PKD1L1: variants seen among roughly 807,000 people sequenced by gnomAD.
PKD1L1 encodes polycystin 1 like 1, transient receptor potential channel interacting, also known as polycystin-1-like protein 1.
A neutral mutation model predicts 323.4 loss-of-function variants in PKD1L1; 236 were observed. The ratio of observed to expected loss-of-function variants is 0.73; its 90% CI spans 0.66 to 0.81. The LOEUF is 0.81. Ranked by LOEUF, PKD1L1 falls within the 40% of genes least tolerant of loss-of-function variation. The pLI, the probability that PKD1L1 is intolerant of heterozygous loss-of-function variation, is 0.00. For missense variants in PKD1L1, 3,320 were observed against 3,508.0 expected (o/e 0.95, Z 1.35); for synonymous variants, 1,344 against 1,335.0 (o/e 1.01, Z -0.15).
Position 47,830,029 on chromosome 7 carries a change from G to A in PKD1L1, c.6558+11C>T, listed in dbSNP as rs1785312165. 2 of 1,612,950 alleles carry A rather than the reference G, an allele frequency of 1.2e-6. No homozygotes were observed. Among genetic ancestry groups the A allele is most frequent in the Non-Finnish European group, 1.7e-6 (2 of 1,178,900 alleles). The stretch of plus-strand genomic sequence containing the variant: ...ATGGAAGGCACTTCTACCATGGAGG[G>A]TGTTTCTTACCATAAGTGGCTGGGT... On this transcript the variant is annotated intron_variant, in intron 43 of 56. Transcript: ENST00000289672.
At chr7:47,858,553 T>C in intron 27 of PKD1L1, 120 bp downstream of exon 27, 1 of 875,402 alleles carries the variant, frequency 1.1e-6, no homozygotes, top group Non-Finnish European at 1.8e-6. Context: ...CCCAGAAGAA[T>C]GAACACAGTA....
intron 45 of PKD1L1, among the ~76,000 whole-genome samples, chr7:47,825,288 G>A (rs1446397984): frequency 1.3e-5 from 2 of 150,966 alleles, no homozygotes; most frequent in African/African-American, 4.8e-5. Context: ...CCAGCACTTT[G>A]GGAGGTTGAG....
chr7:47,941,862 C>T (rs1006263634), intron 2 of PKD1L1, among the ~76,000 whole-genome samples: 1 of 152,062 alleles, frequency 6.6e-6, no homozygotes, highest in African/African-American at 2.4e-5. Context: ...ATAAAAAGTA[C>T]ATAAAATTGC....
intron 47 of PKD1L1, among the ~76,000 whole-genome samples, chr7:47,814,554 A>G (rs1784974683): frequency 6.6e-6 from 1 of 151,920 alleles, no homozygotes; most frequent in Non-Finnish European, 1.5e-5. Flanking sequence ...TAATTTTTGT[A>G]TTTTTAGTCT....
chr7:47,949,243 C>G (rs780729539), upstream of PKD1L1, among the ~76,000 whole-genome samples: 8 of 151,736 alleles, frequency 5.3e-5, no homozygotes, highest in Non-Finnish European at 8.8e-5. Context: ...GTGGCACGCA[C>G]CTGTAGTCCC....
rs142457395 is a variant in PKD1L1 at position 47,945,572 on chromosome 7, A to G, written c.45-2061T>C. 6.5e-3 allele frequency among the ~76,000 whole-genome samples: 985 copies of G among 152,328 alleles called. 17 individuals are homozygous for G. The highest frequency in any genetic ancestry group is 0.022 in the African/African-American group (927 of 41,556). On this transcript the variant is annotated intron_variant, in intron 1 of 56. Transcript: ENST00000289672. ...TGTCTTCCAAAGGCCAGAGAAATGA[A>G]AAAATAAAAAATAACAATAATAGAA...
At chr7:47,775,816 G>GAAAAAAAAAA (rs61097863) in intron 56 of PKD1L1, among the ~76,000 whole-genome samples, 1 of 132,496 alleles carries the variant, frequency 7.5e-6, no homozygotes, top group Non-Finnish European at 1.6e-5. Flanking sequence ...GTAGATAACA[G>GAAAAAAAAAA]AAAAAAAAAA....
chr7:47,896,162 C>A (rs1022422013), intron 14 of PKD1L1, among the ~76,000 whole-genome samples: 1 of 151,886 alleles, frequency 6.6e-6, no homozygotes, highest in Non-Finnish European at 1.5e-5. Context: ...CAGGGTGAAA[C>A]CCTGTCTCTA....
intron 48 of PKD1L1, 99 bp downstream of exon 48, chr7:47,813,832 A>G: frequency 9.8e-7 from 1 of 1,024,702 alleles, no homozygotes; most frequent in East Asian, 2.4e-5. Flanking sequence ...CTGAACTCAC[A>G]GAGAAGTTCA....
intron 5 of PKD1L1, among the ~76,000 whole-genome samples, chr7:47,931,632 A>T (rs1787773145): frequency 6.6e-6 from 1 of 152,242 alleles, no homozygotes; most frequent in Non-Finnish European, 1.5e-5. Flanking sequence ...CAGCTAAGCC[A>T]ATAGAAAATT....
At position 47,873,940 on chromosome 7, in the gene PKD1L1, C is replaced by T; in HGVS notation, c.3855G>A (p.Val1285=). The change falls in exon 24 of 57, where the codon GTG becomes GTA. Residue 1285 remains valine, a synonymous_variant. Transcript: ENST00000289672. ...AGTCATTTCCATGGTAGCGGGGCAG[C>T]ACAGTCACCACCACAGTGCACGGCT... ...KVQPCTVVVT[V]LPRYHGNDCL... The T allele has an allele frequency of 1.2e-6, 2 of 1,614,052 alleles. No individual in the cohort carries two copies. Among genetic ancestry groups the T allele is most frequent in the Non-Finnish European group, 1.7e-6 (2 of 1,179,980 alleles).
chr7:47,948,311 A>T, intron 1 of PKD1L1, 86 bp downstream of exon 1: 4 of 1,484,218 alleles, frequency 2.7e-6, no homozygotes, highest in Non-Finnish European at 2.8e-6. Flanking sequence ...CCCACATCCT[A>T]GAGGTGATGA....
In PKD1L1 at chr7:47,904,389, A is replaced by G. The variant is rs762700504; in HGVS notation, c.1920T>C (p.His640=). ...TTGCAGTGGCTCACCTACTGTAGAC[A>G]TGGCTGCTGGAGCTGCTCCCCAGGC... ...TVSLGSSSSS[H]VYSREGEFTV... Residue 640 remains histidine (H), a synonymous_variant, in exon 12 of 57, where the codon CAT becomes CAC. Transcript: ENST00000289672. 3.1e-6 allele frequency: 5 copies of G among 1,614,070 alleles called. No individual in the cohort carries two copies. In the Admixed American group the frequency reaches 8.3e-5, roughly 27 times the overall value.
chr7:47,931,024 T>C, intron 6 of PKD1L1, 80 bp downstream of exon 6: 1 of 1,370,994 alleles, frequency 7.3e-7, no homozygotes, highest in Non-Finnish European at 1.0e-6. Flanking sequence ...GATACTAAAA[T>C]CACTAACGGA....
At chr7:47,821,442 T>G (rs180890013) in intron 45 of PKD1L1, among the ~76,000 whole-genome samples, 2 of 151,288 alleles carry the variant, frequency 1.3e-5, no homozygotes, top group East Asian at 4.0e-4. Context: ...CTAACTTTTG[T>G]ATATTTAGTG....
Position 47,932,010 on chromosome 7 carries a change from C to A in PKD1L1, c.445G>T (p.Gly149Cys), listed in dbSNP as rs760739987. The change falls in exon 5 of 57, where the codon GGT becomes TGT. Residue 149 changes from glycine to cysteine, a missense_variant. Transcript: ENST00000289672. ...FIIIARAWSS[G>C]GPRFHHRRLC... Reference sequence around the variant, plus strand: ...CGCCTGTGATGGAACCTGGGGCCACCACTGCTCCAGGCCCTTGCGATTATA... The same window carrying A: ...CGCCTGTGATGGAACCTGGGGCCACAACTGCTCCAGGCCCTTGCGATTATA... 9.3e-6 allele frequency: 15 copies of A among 1,613,944 alleles called. No homozygotes were observed. Among genetic ancestry groups the A allele is most frequent in the Non-Finnish European group, 1.3e-5 (15 of 1,179,952 alleles).
rs200294826 is a variant in PKD1L1, at chr7:47,803,198, G to T, written c.7962+12C>A. 5.6e-6 allele frequency: 9 copies of T among 1,614,038 alleles called. No individual in the cohort carries two copies. Among genetic ancestry groups the T allele is most frequent in the South Asian group, 1.1e-5 (1 of 91,068 alleles). On this transcript the variant is annotated intron_variant, in intron 53 of 56. Transcript: ENST00000289672. ...ACAAGGGAAATCACCTGATAAAGGG[G>T]AGAGTTCTTACCCCTGCTACAAAGA...
intron 1 of PKD1L1, among the ~76,000 whole-genome samples, chr7:47,945,956 G>C (rs1475230242): frequency 6.6e-6 from 1 of 152,198 alleles, no homozygotes; most frequent in African/African-American, 2.4e-5. Flanking sequence ...TCCACTCACA[G>C]AGGCGCCAAG....
chr7:47,893,387 C>T (rs968823013), intron 15 of PKD1L1, among the ~76,000 whole-genome samples: 3 of 152,192 alleles, frequency 2.0e-5, no homozygotes, highest in East Asian at 1.9e-4. Context: ...GCCCAGAGTC[C>T]GGAGAATGGT....
Sources: gnomAD v4.1 joint callset for allele counts (sites outside exome capture counted in the v4.1 genomes callset) on GRCh38, gnomAD v4.1.1 for gene constraint, MANE v1.5 for transcripts, NCBI Gene and HGNC (gene_info 2026-07-23, HGNC 2026-07-21) for gene names.